PKP2: variants seen among roughly 807,000 people sequenced by gnomAD.
The protein encoded by PKP2 is plakophilin 2.
PKP2 carries 73 observed loss-of-function variants against 83.4 expected under a neutral mutation model. That is an observed-to-expected ratio of 0.88 (90% CI 0.72 to 1.06). PKP2 has a LOEUF of 1.06. Among genes scored for constraint, PKP2 ranks in the 50% least tolerant of loss-of-function variants. PKP2 has a pLI of 0.00. For missense variants in PKP2, 966 were observed against 1,065.4 expected (o/e 0.91, Z 1.30); for synonymous variants, 409 against 430.4 (o/e 0.95, Z 0.62).
intron 3 of PKP2, among the ~76,000 whole-genome samples, chr12:32,876,350 G>A (rs1379284849): frequency 6.6e-6 from 1 of 152,152 alleles, no homozygotes; most frequent in African/African-American, 2.4e-5. Flanking sequence ...CACAGAGATG[G>A]AGGGAGAGAA....
rs886049308 is a variant in PKP2 at position 32,791,376 on chromosome 12, C to T, written c.*1048G>A. 1 of 152,086 alleles carries T rather than the reference C, an allele frequency of 6.6e-6. No individual in the cohort carries two copies. Among genetic ancestry groups the T allele is most frequent in the Non-Finnish European group, 1.5e-5 (1 of 68,040 alleles). The allele number at this position is 152,086 out of a possible 1,614,324, so 9.4% of individuals were successfully genotyped here. On this transcript the variant is annotated 3_prime_UTR_variant, in exon 13 of 13. Coordinates refer to ENST00000340811, the MANE Select transcript of PKP2 (RefSeq NM_001005242.3). ...AAGAAGATCATATGAGATCTAGTGG[C>T]TCTGTGATATTTCTTAAATGGTGGG...
At chr12:32,873,616 G>A (rs1204473453) in intron 3 of PKP2, among the ~76,000 whole-genome samples, 2 of 151,464 alleles carry the variant, frequency 1.3e-5, no homozygotes, top group Non-Finnish European at 2.9e-5. Context: ...TGCAACCTCC[G>A]CCTCCTGGGT....
intron 12 of PKP2, 26 bp from the exon 13 acceptor site, chr12:32,792,518 G>A (rs527475156): frequency 1.2e-6 from 2 of 1,604,152 alleles, no homozygotes; most frequent in South Asian, 2.2e-5. Flanking sequence ...ACAGAAACGT[G>A]AAAGGTAACA....
intron 4 of PKP2, among the ~76,000 whole-genome samples, chr12:32,868,031 G>GA (rs1956864222): frequency 1.3e-5 from 2 of 152,144 alleles, no homozygotes. Context: ...TGGAATCACT[G>GA]AATGAAAAAA....
chr12:32,858,571 T>C (rs1956774836), intron 4 of PKP2, among the ~76,000 whole-genome samples: 1 of 152,102 alleles, frequency 6.6e-6, no homozygotes, highest in Non-Finnish European at 1.5e-5. Flanking sequence ...TTTAAAGCAA[T>C]ATCTAAAATA....
chr12:32,796,663 TG>T (rs2137710461), intron 10 of PKP2, among the ~76,000 whole-genome samples: 1 of 152,260 alleles, frequency 6.6e-6, no homozygotes, highest in East Asian at 1.9e-4. Context: ...CCTCCCAAAG[TG>T]CTGGGATTAC....
intron 1 of PKP2, among the ~76,000 whole-genome samples, chr12:32,887,218 C>T (rs1239992326): frequency 6.6e-6 from 1 of 152,074 alleles, no homozygotes; most frequent in Non-Finnish European, 1.5e-5. Flanking sequence ...TTGAATATGC[C>T]AGGGACAGAA....
At chr12:32,806,296 C>T (rs570332732) in intron 9 of PKP2, among the ~76,000 whole-genome samples, 11 of 152,196 alleles carry the variant, frequency 7.2e-5, no homozygotes, top group South Asian at 2.1e-4. Flanking sequence ...GGTACCTACC[C>T]GCTCTTTGTA....
intron 6 of PKP2, among the ~76,000 whole-genome samples, chr12:32,836,662 G>A (rs569125575): frequency 2.0e-5 from 3 of 152,200 alleles, no homozygotes; most frequent in Admixed American, 6.5e-5. Flanking sequence ...GTTCACTGTC[G>A]GCTCTGAATA....
In PKP2 at chr12:32,824,111, G is replaced by A. The variant is rs397517006; in HGVS notation, c.1608C>T (p.Asp536=). The A allele has an allele frequency of 4.3e-6, 7 of 1,613,174 alleles. No homozygotes were observed. In the African/African-American group the frequency reaches 5.3e-5, roughly 12 times the overall value. The change falls in exon 7 of 13, where the codon GAC becomes GAT. Residue 536 remains aspartate (D), a synonymous_variant. Transcript: ENST00000340811. ...ADGRKAMRRC[D]GLIDSLVHYV... The stretch of plus-strand genomic sequence containing the variant: ...AATGGACCAGTGAGTCAATGAGTCC[G>A]TCACATCTTCTCATCGCTTTTCTCC...
chr12:32,824,745 G>C (rs1236016448), intron 6 of PKP2, among the ~76,000 whole-genome samples: 1 of 152,206 alleles, frequency 6.6e-6, no homozygotes, highest in Non-Finnish European at 1.5e-5. Context: ...AGAGTTTGCA[G>C]TGTGTAAGGC....
intron 6 of PKP2, among the ~76,000 whole-genome samples, chr12:32,835,559 GA>G (rs11318660): frequency 0.99 from 151,012 of 151,852 alleles, 75,092 homozygotes; most frequent in Middle Eastern, 1. Context: ...AGAAAAAGAG[GA>G]AAAAAAAGAA....
intron 4 of PKP2, among the ~76,000 whole-genome samples, chr12:32,863,823 T>C (rs1255017927): frequency 6.6e-6 from 1 of 152,224 alleles, no homozygotes; most frequent in East Asian, 1.9e-4. Context: ...CAGTTCATTC[T>C]ATGAGACTAG....
At position 32,822,629 on chromosome 12, in the gene PKP2, GGC is replaced by G; in HGVS notation, c.1675_1676del (p.Ala559HisfsTer10). On this transcript the variant is annotated frameshift_variant and splice_region_variant, in exon 8 of 13. Coordinates refer to ENST00000340811, the MANE Select transcript of PKP2 (RefSeq NM_001005242.3). LOFTEE classifies it high-confidence loss of function. ...TIADYQPDDK[A>X]TENCVCILHN... ...GAAGAATGCACACACAATTCTCCGT[GGC>G]CTGAGAAAACAGGACAAGAATATTG... 1 of 1,613,886 alleles carries G rather than the reference GGC, an allele frequency of 6.2e-7. No individual in the cohort carries two copies. Among genetic ancestry groups the G allele is most frequent in the Non-Finnish European group, 8.5e-7 (1 of 1,179,880 alleles).
intron 9 of PKP2, among the ~76,000 whole-genome samples, chr12:32,804,428 A>C (rs1382272777): frequency 6.6e-6 from 1 of 152,118 alleles, no homozygotes; most frequent in East Asian, 1.9e-4. Context: ...CCCAGCGCCC[A>C]TTAGCTATTC....
intron 1 of PKP2, among the ~76,000 whole-genome samples, chr12:32,883,724 G>A (rs1053794633): frequency 7.9e-5 from 12 of 152,214 alleles, no homozygotes; most frequent in Middle Eastern, 3.4e-3. Context: ...CTATTCTACC[G>A]CTTTGTATGT....
At chr12:32,792,552 G>GT (rs1956079218) in intron 12 of PKP2, 60 bp from the exon 13 acceptor site, 1 of 1,564,666 alleles carries the variant, frequency 6.4e-7, no homozygotes, top group Admixed American at 1.7e-5. Context: ...AGAAAATGCA[G>GT]TTTTTTAGCG....
At chr12:32,871,935 T>C (rs1200556675) in intron 3 of PKP2, among the ~76,000 whole-genome samples, 4 of 152,178 alleles carry the variant, frequency 2.6e-5, no homozygotes, top group Non-Finnish European at 5.9e-5. Context: ...TCTATTCTCC[T>C]ATAGCATTCC....
intron 7 of PKP2, among the ~76,000 whole-genome samples, chr12:32,823,384 T>G (rs1238137764): frequency 7.7e-6 from 1 of 129,940 alleles, no homozygotes; most frequent in Admixed American, 9.1e-5. Context: ...ACCACTGCAC[T>G]CCAGCCTGGG....
Sources: gnomAD v4.1 joint callset for allele counts (sites outside exome capture counted in the v4.1 genomes callset) on GRCh38, gnomAD v4.1.1 for gene constraint, MANE v1.5 for transcripts, NCBI Gene and HGNC (gene_info 2026-07-23, HGNC 2026-07-21) for gene names.